GSDME: variants seen among roughly 807,000 people sequenced by gnomAD.
GSDME encodes gasdermin E.
Under a neutral mutation model 47.5 loss-of-function variants are expected in GSDME, and 44 were observed. That is an observed-to-expected ratio of 0.93 (90% CI 0.73 to 1.19). The LOEUF is 1.19. GSDME is among the 50% of genes most tolerant of loss of function. The pLI, the probability that GSDME is intolerant of heterozygous loss-of-function variation, is 0.00. For synonymous variants in GSDME, 258 were observed against 252.8 expected (o/e 1.02, Z -0.20); for missense variants, 663 against 604.2 (o/e 1.10, Z -1.02).
intron 8 of GSDME, chr7:24,703,822 C>G (rs1788983371): frequency 6.6e-6 from 1 of 152,160 alleles, no homozygotes; most frequent in African/African-American, 2.4e-5. Flanking sequence ...AGAAGATCCA[C>G]AGTTTCTCAA....
At chr7:24,794,714 C>A in the GSDME span, among the ~76,000 whole-genome samples, 1 of 152,148 alleles carries the variant, frequency 6.6e-6, no homozygotes, top group African/African-American at 2.4e-5. Context: ...TCTTGAAATT[C>A]TTTAACATAG....
the GSDME span, among the ~76,000 whole-genome samples, chr7:24,768,211 C>T: frequency 6.6e-6 from 1 of 152,138 alleles, no homozygotes; most frequent in African/African-American, 2.4e-5. This position sits in a 1 kb window ranked among gnomAD's most constrained non-coding sequence, Gnocchi z 5.6. Context: ...AACTGCAGTG[C>T]GTGGACCAAA....
the GSDME span, among the ~76,000 whole-genome samples, chr7:24,788,477 C>A: frequency 6.6e-6 from 1 of 152,142 alleles, no homozygotes. The surrounding 1 kb of genome is among the most constrained non-coding windows in gnomAD (Gnocchi z 4.6). Flanking sequence ...CTGCTCACAG[C>A]CTTATAAGTA....
intron 5 of GSDME, among the ~76,000 whole-genome samples, chr7:24,711,417 G>A (rs1471942557): frequency 1.3e-5 from 2 of 150,466 alleles, no homozygotes; most frequent in Non-Finnish European, 3.0e-5. Flanking sequence ...TAAAGATGGG[G>A]TTTCACCATG....
At chr7:24,719,709 C>T (rs1789703896) in intron 3 of GSDME, among the ~76,000 whole-genome samples, 1 of 152,040 alleles carries the variant, frequency 6.6e-6, no homozygotes. Context: ...ACGAGAATCG[C>T]TTGAACCTGG....
In GSDME at chr7:24,733,840, G is replaced by A. The variant is rs903242080; in HGVS notation, c.404+10722C>T. ...GACAGCATCTCTGGACCCACCTGGG[G>A]CCCCAGGGAAATCACCTCATGTCTG... is the stretch of plus-strand genomic sequence containing the variant. On this transcript the variant is annotated intron_variant, in intron 3 of 9. Transcript: ENST00000645220. This position sits in a 1 kb window ranked among gnomAD's most constrained non-coding sequence, Gnocchi z 4.3. Among the ~76,000 whole-genome samples, 3 of 152,184 alleles carry A rather than the reference G, an allele frequency of 2.0e-5. No individual in the cohort carries two copies. The highest frequency in any genetic ancestry group is 2.0e-4 in the Admixed American group (3 of 15,274).
chr7:24,710,636 AACAGGCTGG>A (rs1789316143), intron 5 of GSDME: 1 of 527,934 alleles, frequency 1.9e-6, no homozygotes, highest in East Asian at 3.3e-5. Context: ...ATATTCTCTG[AACAGGCTGG>A]ACACAATCTT....
chr7:24,794,811 C>CA, the GSDME span, among the ~76,000 whole-genome samples: 1 of 151,972 alleles, frequency 6.6e-6, no homozygotes, highest in African/African-American at 2.4e-5. Context: ...AGAGGGAAGG[C>CA]AAAAAGGGGC....
chr7:24,749,872 T>A, intron 1 of GSDME, 79 bp from the exon 2 acceptor site: 1 of 906,498 alleles, frequency 1.1e-6, no homozygotes. Flanking sequence ...ACTGTATTTC[T>A]CCCTATTCAC....
In GSDME at chr7:24,736,203, C is replaced by G. The variant is rs1790299958; in HGVS notation, c.404+8359G>C. 6.6e-6 allele frequency among the ~76,000 whole-genome samples: 1 copy of G among 151,962 alleles called. No individual in the cohort carries two copies. The highest frequency in any genetic ancestry group is 1.5e-5 in the Non-Finnish European group (1 of 67,978). On this transcript the variant is annotated intron_variant, in intron 3 of 9. Coordinates refer to ENST00000645220, the MANE Select transcript of GSDME (RefSeq NM_001127453.2). The surrounding 1 kb of genome is among the most constrained non-coding windows in gnomAD (Gnocchi z 4.6). ...TAATAATTGAATGTAACTAAACTCT[C>G]CAATTAAAAGACATACACTGGCTAA...
At chr7:24,708,910 G>T (rs1218770521) in intron 6 of GSDME, among the ~76,000 whole-genome samples, 1 of 151,862 alleles carries the variant, frequency 6.6e-6, no homozygotes, top group African/African-American at 2.4e-5. Context: ...TGGTTTTTTT[G>T]TTTGTTTGTT....
chr7:24,707,533 G>GC, intron 7 of GSDME: 1 of 415,884 alleles, frequency 2.4e-6, no homozygotes. Context: ...CTGAGTAGTG[G>GC]CCCACCAACA....
intron 3 of GSDME, among the ~76,000 whole-genome samples, chr7:24,727,802 C>T (rs1790018150): frequency 6.6e-6 from 1 of 152,252 alleles, no homozygotes; most frequent in African/African-American, 2.4e-5. Flanking sequence ...CCTTCATCTG[C>T]CGATTTCCCC....
At chr7:24,717,187 G>T in intron 5 of GSDME, 67 bp downstream of exon 5, 3 of 1,236,346 alleles carry the variant, frequency 2.4e-6, no homozygotes, top group Non-Finnish European at 2.2e-6. Context: ...CTGGAAAGCA[G>T]TCAAGTCCCT....
In GSDME at chr7:24,718,035, C is replaced by G. The variant is rs183977013; in HGVS notation, c.577-661G>C. Among the ~76,000 whole-genome samples the G allele has an allele frequency of 5.1e-3, 781 of 152,358 alleles. 3 individuals are homozygous for G. Among genetic ancestry groups the G allele is most frequent in the African/African-American group, 0.018 (739 of 41,588 alleles). ...CTTTTCTTAGCAACTTGATCCTGGT[C>G]AGAGTGTGTTGCTTTGGGTTGAGAA... On this transcript the variant is annotated intron_variant, in intron 4 of 9. Transcript: ENST00000645220.
chr7:24,779,663 G>C, the GSDME span, among the ~76,000 whole-genome samples: 1 of 152,204 alleles, frequency 6.6e-6, no homozygotes, highest in Non-Finnish European at 1.5e-5. The surrounding 1 kb of genome is among the most constrained non-coding windows in gnomAD (Gnocchi z 6.0). Context: ...AGGAAGAGCA[G>C]TTCTGGGGCG....
chr7:24,777,878 C>T, the GSDME span, among the ~76,000 whole-genome samples: 23 of 151,902 alleles, frequency 1.5e-4, no homozygotes, highest in African/African-American at 5.3e-4. Flanking sequence ...AAAACAAAAG[C>T]AAAAACAAAG....
At chr7:24,793,955 G>C in the GSDME span, among the ~76,000 whole-genome samples, 6 of 152,202 alleles carry the variant, frequency 3.9e-5, no homozygotes, top group African/African-American at 1.4e-4. Flanking sequence ...ATTTTGATAG[G>C]AAGGCTACGG....
At chr7:24,713,681 A>G (rs1789443126) in intron 5 of GSDME, among the ~76,000 whole-genome samples, 1 of 152,242 alleles carries the variant, frequency 6.6e-6, no homozygotes, top group African/African-American at 2.4e-5. Context: ...GACATGGTGC[A>G]GACTGCATTC....
Sources: allele counts gnomAD v4.1 joint callset (sites outside exome capture counted in the v4.1 genomes callset), GRCh38; gene constraint gnomAD v4.1.1; non-coding constraint Gnocchi (gnomAD v3.1); transcripts MANE v1.5; gene names NCBI Gene and HGNC (gene_info 2026-07-23, HGNC 2026-07-21).